IQCB1: variants seen among roughly 807,000 people sequenced by gnomAD.
The protein encoded by IQCB1 is IQ motif containing B1, also known as IQ calmodulin-binding motif-containing protein 1.
Under a neutral mutation model 84.4 loss-of-function variants are expected in IQCB1, and 56 were observed. The observed-to-expected ratio is 0.66, with a 90% CI of 0.54 to 0.83. The LOEUF (loss-of-function observed/expected upper bound fraction) is 0.83, where lower values mean the gene tolerates loss of function less well. Among genes scored for constraint, IQCB1 ranks in the 40% least tolerant of loss-of-function variants. IQCB1 has a pLI of 0.00. For synonymous variants in IQCB1, 210 were observed against 234.8 expected, an observed-to-expected ratio of 0.89 and a Z score of 0.96; for missense variants, 629 against 682.1, an observed-to-expected ratio of 0.92 and a Z score of 0.87.
intron 10 of IQCB1, among the ~76,000 whole-genome samples, chr3:121,791,494 T>C (rs1387466956): frequency 6.6e-6 from 1 of 152,178 alleles, no homozygotes; most frequent in East Asian, 1.9e-4. Context: ...TTATCCCTAT[T>C]ATCAAGGGTA....
At chr3:121,831,058 G>T (rs1286016160) in intron 2 of IQCB1, among the ~76,000 whole-genome samples, 1 of 152,180 alleles carries the variant, frequency 6.6e-6, no homozygotes, top group Non-Finnish European at 1.5e-5. Context: ...AGAGCTACTG[G>T]ATAGCTGAAC....
chr3:121,795,692 T>A, intron 9 of IQCB1, 126 bp from the exon 10 acceptor site: 1 of 669,866 alleles, frequency 1.5e-6, no homozygotes, highest in Non-Finnish European at 2.7e-6. Context: ...TGGGTAAGAA[T>A]ATTAAACCTT....
intron 10 of IQCB1, among the ~76,000 whole-genome samples, chr3:121,792,656 C>A: frequency 9.9e-6 from 1 of 100,604 alleles, no homozygotes. Flanking sequence ...AGCAAGACTC[C>A]GTCTCAAAAA....
rs554004962 is a variant in IQCB1, at chr3:121,786,440, T to G, written c.1278+1844A>C. Among the ~76,000 whole-genome samples the G allele has an allele frequency of 5.9e-5, 9 of 151,318 alleles. No homozygotes were observed. In the South Asian group the frequency reaches 6.3e-4, roughly 11 times the overall value. ...TTAGCCCAGGAGTTCAAGGCTGTGA[T>G]GAACTATGAACACACCACTGTACTC... On this transcript the variant is annotated intron_variant, in intron 12 of 14. Coordinates refer to ENST00000310864, the MANE Select transcript of IQCB1 (RefSeq NM_001023570.4).
intron 12 of IQCB1, among the ~76,000 whole-genome samples, chr3:121,783,747 C>T (rs1194973170): frequency 6.6e-6 from 1 of 152,140 alleles, no homozygotes; most frequent in Non-Finnish European, 1.5e-5. Context: ...CTCCATTCAC[C>T]ATCATCTCGG....
chr3:121,827,986 T>C (rs1950515019), intron 4 of IQCB1, among the ~76,000 whole-genome samples: 1 of 152,172 alleles, frequency 6.6e-6, no homozygotes, highest in African/African-American at 2.4e-5. Context: ...GGTTGCTTAA[T>C]GAAATACACA....
intron 5 of IQCB1, among the ~76,000 whole-genome samples, chr3:121,811,334 G>A (rs1949820810): frequency 6.6e-6 from 1 of 152,132 alleles, no homozygotes. Flanking sequence ...GCACAAAACT[G>A]GTCAGCTGTT....
chr3:121,819,776 G>A (rs1281022166), intron 5 of IQCB1, among the ~76,000 whole-genome samples: 1 of 151,918 alleles, frequency 6.6e-6, no homozygotes, highest in Non-Finnish European at 1.5e-5. Flanking sequence ...AATATAATGT[G>A]AGCCATCTAG....
At chr3:121,800,087 A>T (rs1949346308) in intron 7 of IQCB1, among the ~76,000 whole-genome samples, 1 of 151,970 alleles carries the variant, frequency 6.6e-6, no homozygotes, top group Non-Finnish European at 1.5e-5. Flanking sequence ...AGAGCAATGT[A>T]AACAGACTCT....
At chr3:121,788,754 C>T (rs192158603) in intron 11 of IQCB1, among the ~76,000 whole-genome samples, 58 of 151,204 alleles carry the variant, frequency 3.8e-4, no homozygotes, top group African/African-American at 1.4e-3. Context: ...CATTCAGTAC[C>T]ACCAGAGGGA....
intron 8 of IQCB1, 86 bp downstream of exon 8, chr3:121,799,110 A>G: frequency 1.0e-6 from 1 of 989,922 alleles, no homozygotes; most frequent in Non-Finnish European, 1.6e-6. Context: ...TCAACTCTTT[A>G]AAATATAAGA....
At chr3:121,771,827 T>C (rs1948004187) in intron 14 of IQCB1, among the ~76,000 whole-genome samples, 1 of 152,152 alleles carries the variant, frequency 6.6e-6, no homozygotes, top group Non-Finnish European at 1.5e-5. Context: ...ATGGATGGGA[T>C]CTCTCATTAA....
chr3:121,801,329 G>A (rs1949397575), intron 7 of IQCB1, among the ~76,000 whole-genome samples: 1 of 152,010 alleles, frequency 6.6e-6, no homozygotes, highest in South Asian at 2.1e-4. Flanking sequence ...AAAGCTCAAT[G>A]AACATTTGTG....
chr3:121,778,627 C>G (rs759267668), intron 13 of IQCB1, among the ~76,000 whole-genome samples: 10 of 151,364 alleles, frequency 6.6e-5, no homozygotes, highest in Non-Finnish European at 1.5e-4. Flanking sequence ...TATCTTTCGC[C>G]GGGGGTGGTG....
rs1478098986 is a variant in IQCB1 at position 121,808,952 on chromosome 3, AG to A, written c.450del (p.Trp151GlyfsTer30). 6.2e-7 allele frequency: 1 copy of A among 1,611,284 alleles called. No individual in the cohort carries two copies. Among genetic ancestry groups the A allele is most frequent in the African/African-American group, 1.3e-5 (1 of 74,970 alleles). On this transcript the variant is annotated frameshift_variant, in exon 6 of 15. Transcript: ENST00000310864. LOFTEE classifies it high-confidence loss of function. ...AGTTCAACATGGCCTCCCAAAAGCCAGAAGAGAGAATCAGTCACAATTTGGA... is the reference window on the plus strand; with the variant it reads ...AGTTCAACATGGCCTCCCAAAAGCCAAAGAGAGAATCAGTCACAATTTGGA... ...HFFQIVTDSL[F>X]WLLGGHVELI... is the part of the protein sequence containing the mutation.
chr3:121,788,457 C>A, intron 11 of IQCB1, 25 bp from the exon 12 acceptor site: 6 of 1,601,100 alleles, frequency 3.7e-6, no homozygotes, highest in Non-Finnish European at 5.1e-6. Context: ...GACACTATTA[C>A]AACATACTCA....
intron 8 of IQCB1, among the ~76,000 whole-genome samples, chr3:121,797,438 A>T (rs570685751): frequency 1.0e-5 from 1 of 96,572 alleles, no homozygotes; most frequent in East Asian, 3.0e-4. Flanking sequence ...TACGTGCTCA[A>T]TTGTGGTATC....
At position 121,818,238 on chromosome 3, in the gene IQCB1, T is replaced by C. The variant is rs533915721; in HGVS notation, c.393+7813A>G. On this transcript the variant is annotated intron_variant, in intron 5 of 14. Coordinates refer to ENST00000310864, the MANE Select transcript of IQCB1 (RefSeq NM_001023570.4). ...AGCCTTGTAGACTTATCACTTCTTA[T>C]AAATTCTAAGATGAACCTCTGCTGT... Among the ~76,000 whole-genome samples, 5 of 152,366 alleles carry C rather than the reference T, an allele frequency of 3.3e-5. No individual in the cohort carries two copies. The South Asian group carries it at 1.0e-3, about 32-fold the overall frequency.
At chr3:121,798,933 C>G (rs1227035211) in intron 8 of IQCB1, among the ~76,000 whole-genome samples, 1 of 151,834 alleles carries the variant, frequency 6.6e-6, no homozygotes, top group South Asian at 2.1e-4. Flanking sequence ...GTATATTCAA[C>G]ACACAAAACC....
Sources: allele counts gnomAD v4.1 joint callset (sites outside exome capture counted in the v4.1 genomes callset), GRCh38; gene constraint gnomAD v4.1.1; transcripts MANE v1.5; gene names NCBI Gene and HGNC (gene_info 2026-07-23, HGNC 2026-07-21).